Variants in PTPRG observed in about 807,000 individuals in gnomAD.
The protein encoded by PTPRG is receptor-type tyrosine-protein phosphatase gamma.
A neutral mutation model predicts 165.3 loss-of-function variants in PTPRG; 102 were observed. The observed-to-expected ratio is 0.62, with a 90% CI of 0.53 to 0.73. PTPRG has a LOEUF of 0.73. Ranked by LOEUF, PTPRG falls within the 30% of genes least tolerant of loss-of-function variation. The pLI is 0.00. For missense variants in PTPRG, 1,866 were observed against 1,861.4 expected (o/e 1.00, Z -0.05); for synonymous variants, 675 against 669.5 (o/e 1.01, Z -0.13).
rs370694529 is a variant in PTPRG, at chr3:62,259,411, G to GA, written c.2560-3377dup. ...AGCTGATGAGCTAAAAAATTGCAGG[G>GA]AAAAAAAAAACCCTCAATGTTTTAA... On this transcript the variant is annotated intron_variant, in intron 16 of 29. Coordinates refer to ENST00000474889, the MANE Select transcript of PTPRG (RefSeq NM_002841.4). Among the ~76,000 whole-genome samples the GA allele has an allele frequency of 4.1e-4, 60 of 148,000 alleles. 1 individual carries two copies. Among genetic ancestry groups the GA allele is most frequent in the East Asian group, 3.3e-3 (17 of 5,076 alleles).
Position 62,267,712 on chromosome 3 carries a change from G to A in PTPRG, c.2767G>A (p.Ala923Thr). The A allele has an allele frequency of 6.2e-7, 1 of 1,613,232 alleles. No individual in the cohort carries two copies. The highest frequency in any genetic ancestry group is 1.7e-4 in the Middle Eastern group (1 of 6,054). ...DGYNKAKAYI[A>T]TQGPLKSTFE... ...TTACAACAAAGCAAAAGCCTACATT[G>A]CCACCCAAGGACCTTTGAAGTCTAC... The change falls in exon 19 of 30, where the codon GCC becomes ACC. Residue 923 changes from alanine (A) to threonine (T), a missense_variant. Around this residue, in one of 3 missense-constraint regions of PTPRG, gnomAD observed 1,452 missense variants for 1,463.0 expected, o/e 0.99. Coordinates refer to ENST00000474889, the MANE Select transcript of PTPRG (RefSeq NM_002841.4).
intron 2 of PTPRG, among the ~76,000 whole-genome samples, chr3:61,880,644 A>G (rs1559665896): frequency 1.4e-5 from 2 of 143,690 alleles, no homozygotes; most frequent in Admixed American, 6.8e-5. Flanking sequence ...AAAAAAAAAA[A>G]GAGAGAGACC....
chr3:61,627,795 A>G (rs1174147731), intron 1 of PTPRG, among the ~76,000 whole-genome samples: 3 of 152,202 alleles, frequency 2.0e-5, no homozygotes, highest in Non-Finnish European at 4.4e-5. Flanking sequence ...AGTTTAAAAT[A>G]TGAAAGAATC....
At chr3:62,064,647 G>A (rs574442137) in intron 4 of PTPRG, among the ~76,000 whole-genome samples, 3 of 149,174 alleles carry the variant, frequency 2.0e-5, no homozygotes, top group African/African-American at 7.4e-5. Context: ...TGTGAATAAA[G>A]AGCTCCTTAA....
At chr3:62,091,761 A>G (rs1701938067) in intron 5 of PTPRG, among the ~76,000 whole-genome samples, 2 of 152,036 alleles carry the variant, frequency 1.3e-5, no homozygotes, top group African/African-American at 2.4e-5. Context: ...TGTTCTGGCA[A>G]TTTATTTCAT....
intron 1 of PTPRG, among the ~76,000 whole-genome samples, chr3:61,589,766 T>C (rs1217767369): frequency 6.7e-6 from 1 of 150,154 alleles, no homozygotes; most frequent in Admixed American, 6.6e-5. Flanking sequence ...GATGGATGAG[T>C]GGATGGGTAG....
intron 2 of PTPRG, among the ~76,000 whole-genome samples, chr3:61,775,158 C>T (rs574587188): frequency 8.5e-5 from 13 of 152,114 alleles, no homozygotes; most frequent in Non-Finnish European, 1.6e-4. Flanking sequence ...GCAACCTCTG[C>T]CTCCCAGGTT....
intron 1 of PTPRG, among the ~76,000 whole-genome samples, chr3:61,734,638 G>A (rs1285140780): frequency 2.6e-5 from 4 of 152,208 alleles, no homozygotes; most frequent in East Asian, 3.9e-4. Flanking sequence ...GGAAGAGTTC[G>A]TTTCATTTAA....
At chr3:61,567,998 G>A (rs1699961488) in intron 1 of PTPRG, among the ~76,000 whole-genome samples, 1 of 148,676 alleles carries the variant, frequency 6.7e-6, no homozygotes. Flanking sequence ...TCATTTGCCA[G>A]TCTGAGAAAT....
At chr3:62,123,364 G>C (rs1263799908) in intron 5 of PTPRG, among the ~76,000 whole-genome samples, 1 of 152,152 alleles carries the variant, frequency 6.6e-6, no homozygotes, top group Non-Finnish European at 1.5e-5. Context: ...TCCCGTCTCA[G>C]CCTCTGGGGT....
intron 4 of PTPRG, among the ~76,000 whole-genome samples, chr3:62,047,110 C>G (rs760920933): frequency 3.3e-5 from 5 of 152,154 alleles, no homozygotes; most frequent in African/African-American, 4.8e-5. Flanking sequence ...AAATTTCAAT[C>G]ATAGTCTTTC....
chr3:61,598,811 C>G (rs544086676), intron 1 of PTPRG, among the ~76,000 whole-genome samples: 131 of 152,130 alleles, frequency 8.6e-4, no homozygotes, highest in Non-Finnish European at 1.7e-3. Context: ...CCTCCCCTAG[C>G]TTCTGGTGGT....
chr3:62,160,177 A>G (rs1704694988), intron 7 of PTPRG, among the ~76,000 whole-genome samples: 1 of 152,218 alleles, frequency 6.6e-6, no homozygotes, highest in Non-Finnish European at 1.5e-5. Flanking sequence ...AAATTTGAGC[A>G]TATTCACCAT....
At chr3:62,055,681 G>A (rs182191287) in intron 4 of PTPRG, among the ~76,000 whole-genome samples, 27 of 152,294 alleles carry the variant, frequency 1.8e-4, no homozygotes, top group East Asian at 1.2e-3. Flanking sequence ...GGAGAGAATC[G>A]CTTTTGTGCT....
intron 2 of PTPRG, among the ~76,000 whole-genome samples, chr3:61,752,794 A>AAAAAAAAAAT (rs1223985797): frequency 4.7e-5 from 5 of 105,966 alleles, no homozygotes; most frequent in South Asian, 6.1e-4. Context: ...TCAAAAAAAA[A>AAAAAAAAAAT]AAAAAAAGAA....
At chr3:61,597,349 C>T (rs78287400) in intron 1 of PTPRG, among the ~76,000 whole-genome samples, 5,415 of 152,236 alleles carry the variant, frequency 0.036, 123 homozygotes, top group East Asian at 0.071. Context: ...TTTGCAGATG[C>T]TCAAGTCCCT....
At chr3:62,120,498 C>T (rs183352090) in intron 5 of PTPRG, among the ~76,000 whole-genome samples, 30 of 77,452 alleles carry the variant, frequency 3.9e-4, no homozygotes, top group Non-Finnish European at 7.5e-4. Flanking sequence ...CGCCTGTAAT[C>T]CCAGTGCTTT....
intron 2 of PTPRG, among the ~76,000 whole-genome samples, chr3:61,943,888 A>G (rs2039692123): frequency 6.6e-6 from 1 of 152,230 alleles, no homozygotes; most frequent in Non-Finnish European, 1.5e-5. Flanking sequence ...GAATAGAGAA[A>G]ACAGAGAAGC....
chr3:61,934,843 A>T (rs916084751), intron 2 of PTPRG, among the ~76,000 whole-genome samples: 5 of 152,106 alleles, frequency 3.3e-5, no homozygotes, highest in African/African-American at 1.2e-4. Flanking sequence ...TAGTCTTCTG[A>T]CCATGGGGAG....
Sources: gnomAD v4.1 joint callset for allele counts (sites outside exome capture counted in the v4.1 genomes callset) on GRCh38, gnomAD v4.1.1 for gene constraint, gnomAD v4.1.1 regional missense constraint, MANE v1.5 for transcripts, NCBI Gene and HGNC (gene_info 2026-07-23, HGNC 2026-07-21) for gene names.